INSR: variants seen among roughly 807,000 people sequenced by gnomAD.
INSR encodes the protein IR.
In INSR, 67 loss-of-function variants were observed where a neutral mutation model predicts 142.6. The observed-to-expected ratio is 0.47, with a 90% CI of 0.39 to 0.58. The LOEUF is 0.58. INSR is among the 20% of genes least tolerant of loss of function. The pLI, the probability that INSR is intolerant of heterozygous loss-of-function variation, is 0.00. For synonymous variants in INSR, 756 were observed against 743.1 expected (o/e 1.02, Z -0.28); for missense variants, 1,248 against 1,833.2 (o/e 0.68, Z 5.83).
chr19:7,234,128 A>T (rs1387783848), intron 2 of INSR, among the ~76,000 whole-genome samples: 1 of 151,606 alleles, frequency 6.6e-6, no homozygotes, highest in Non-Finnish European at 1.5e-5. Flanking sequence ...CTGGTCTCAA[A>T]CTCCTGACCT....
chr19:7,150,498 T>G lies in INSR; in HGVS notation c.2266A>C (p.Arg756=), dbSNP rs756730681. 6.2e-7 allele frequency: 1 copy of G among 1,614,140 alleles called. No homozygotes were observed. The highest frequency in any genetic ancestry group is 8.5e-7 in the Non-Finnish European group (1 of 1,179,978). ...AGGGGTCGCACAGGTGAGTCATACCTAGGGTCCTCGGCACCAGTGCCTGAA... is the reference window on the plus strand; with the variant it reads ...AGGGGTCGCACAGGTGAGTCATACCGAGGGTCCTCGGCACCAGTGCCTGAA... ...TSSGTGAEDP[R]PSRKRRSLGD... The change falls in exon 11 of 22, where the codon AGG becomes CGG. Residue 756 remains arginine, a splice_region_variant and synonymous_variant. Transcript: ENST00000302850. The surrounding 1 kb of genome is among the most constrained non-coding windows in gnomAD (Gnocchi z 4.2).
intron 1 of INSR, among the ~76,000 whole-genome samples, chr19:7,276,747 T>C (rs1232825910): frequency 1.3e-5 from 2 of 152,152 alleles, no homozygotes; most frequent in Non-Finnish European, 2.9e-5. Flanking sequence ...ATTTTTATTT[T>C]TGAGACGGAG....
intron 2 of INSR, among the ~76,000 whole-genome samples, chr19:7,251,713 T>A (rs1976735647): frequency 1.3e-5 from 2 of 152,076 alleles, no homozygotes; most frequent in South Asian, 4.1e-4. Flanking sequence ...ATGTGGTCCG[T>A]GGCATGGCTT....
At chr19:7,158,446 A>C (rs1568454636) in intron 9 of INSR, among the ~76,000 whole-genome samples, 1 of 152,176 alleles carries the variant, frequency 6.6e-6, no homozygotes, top group Non-Finnish European at 1.5e-5. Context: ...GCTTGCAGTG[A>C]GCCGAGATCA....
At position 7,168,983 on chromosome 19, in the gene INSR, C is replaced by A. The variant is rs991450042; in HGVS notation, c.1484-889G>T. Among the ~76,000 whole-genome samples the A allele has an allele frequency of 6.6e-6, 1 of 152,226 alleles. No homozygotes were observed. Among genetic ancestry groups the A allele is most frequent in the African/African-American group, 2.4e-5 (1 of 41,468 alleles). ...CCCTTGGCAGCTCACTGTTTAGAATCTGTCAGGGAAGTGCAGTCAGCAGGC... is the reference window on the plus strand; with the variant it reads ...CCCTTGGCAGCTCACTGTTTAGAATATGTCAGGGAAGTGCAGTCAGCAGGC... On this transcript the variant is annotated intron_variant, in intron 6 of 21. Transcript: ENST00000302850. The surrounding 1 kb of genome is among the most constrained non-coding windows in gnomAD (Gnocchi z 4.3).
At chr19:7,124,853 A>G (rs1972607156) in intron 17 of INSR, among the ~76,000 whole-genome samples, 1 of 151,114 alleles carries the variant, frequency 6.6e-6, no homozygotes, top group Non-Finnish European at 1.5e-5. Flanking sequence ...GAGAGTAGGA[A>G]CGAGGGCAGG....
At position 7,189,236 on chromosome 19, in the gene INSR, C is replaced by G. The variant is rs936521066; in HGVS notation, c.653-4599G>C. Among the ~76,000 whole-genome samples the G allele has an allele frequency of 2.0e-5, 3 of 152,290 alleles. No individual in the cohort carries two copies. In the East Asian group the frequency reaches 5.8e-4, roughly 29 times the overall value. On this transcript the variant is annotated intron_variant, in intron 2 of 21. Coordinates refer to ENST00000302850, the MANE Select transcript of INSR (RefSeq NM_000208.4). ...CTGGAGCCACTTCAGAGGGTCAGCCCTTTCATTCAAAAGAGGCGTCATCAA... is the reference window on the plus strand; with the variant it reads ...CTGGAGCCACTTCAGAGGGTCAGCCGTTTCATTCAAAAGAGGCGTCATCAA...
chr19:7,283,600 C>T (rs1012117142), intron 1 of INSR, among the ~76,000 whole-genome samples: 8 of 152,110 alleles, frequency 5.3e-5, no homozygotes, highest in African/African-American at 1.9e-4. Context: ...CCACCGTGCT[C>T]GGCTAATTTT....
chr19:7,243,505 C>T (rs758143382), intron 2 of INSR, among the ~76,000 whole-genome samples: 15 of 152,072 alleles, frequency 9.9e-5, no homozygotes, highest in Non-Finnish European at 2.1e-4. Context: ...CTCAGCCTCC[C>T]AAAGTGCTGG....
intron 2 of INSR, among the ~76,000 whole-genome samples, chr19:7,191,433 C>G (rs929546509): frequency 6.6e-6 from 1 of 151,998 alleles, no homozygotes; most frequent in Non-Finnish European, 1.5e-5. Flanking sequence ...AGTGGGAGTC[C>G]TCTAAACTGG....
rs796144540 is a variant in INSR at position 7,238,617 on chromosome 19, CAAAAAAAAAA to C, written c.652+28718_652+28727del. Among the ~76,000 whole-genome samples, 196 of 69,020 alleles carry C rather than the reference CAAAAAAAAAA, an allele frequency of 2.8e-3. 5 individuals carry two copies. The East Asian group carries it at 0.047, about 17-fold the overall frequency. The allele number at this position is 69,020 out of a possible 152,430, so 45.3% of individuals were successfully genotyped here. On this transcript the variant is annotated intron_variant, in intron 2 of 21. Transcript: ENST00000302850. ...GCCTGGGCAACAGAGTGCTCCATCT[CAAAAAAAAAA>C]AAAAAAAAAAAAGGAAAGGGAAAGT...
At chr19:7,174,877 C>T (rs1208738305) in intron 3 of INSR, 146 bp from the exon 4 acceptor site, 1 of 862,340 alleles carries the variant, frequency 1.2e-6, no homozygotes, top group East Asian at 2.7e-5. Flanking sequence ...GAGTCTCGCT[C>T]TGTTGCCCAG....
At chr19:7,134,576 C>G (rs922896184) in intron 13 of INSR, among the ~76,000 whole-genome samples, 2 of 151,908 alleles carry the variant, frequency 1.3e-5, no homozygotes, top group African/African-American at 4.8e-5. Context: ...ACCATCCTTG[C>G]CAACATGGTG....
rs1209016669 is a variant in INSR, at chr19:7,153,012, A to C, written c.2030-85T>G. On this transcript the variant is annotated intron_variant, in intron 9 of 21. Transcript: ENST00000302850. ...ACACACACACCCCACACACACACAC[A>C]CCACACACACACACCACACACACAC... is the stretch of plus-strand genomic sequence containing the variant. 515 of 539,400 alleles carry C rather than the reference A, an allele frequency of 9.5e-4. 12 individuals are homozygous for C. In the African/African-American group the frequency reaches 0.015, roughly 16 times the overall value. 33.4% of individuals were successfully genotyped at this position (539,400 alleles called of 1,614,324 possible).
At chr19:7,171,024 C>G (rs1974004938) in intron 5 of INSR, among the ~76,000 whole-genome samples, 1 of 151,980 alleles carries the variant, frequency 6.6e-6, no homozygotes, top group Non-Finnish European at 1.5e-5. Flanking sequence ...CCAATTTCTG[C>G]AAATAGGGGA....
chr19:7,169,576 CAAAAAA>C (rs74174872), intron 6 of INSR, among the ~76,000 whole-genome samples: 9 of 94,804 alleles, frequency 9.5e-5, no homozygotes, highest in Admixed American at 1.3e-4. Flanking sequence ...GACTCTGTCC[CAAAAAA>C]AAAAAAAAAA....
In INSR at chr19:7,119,741, C is replaced by G. The variant is rs568258415; in HGVS notation, c.3660-158G>C. 6.6e-6 allele frequency among the ~76,000 whole-genome samples: 1 copy of G among 150,720 alleles called. No homozygotes were observed. The highest frequency in any genetic ancestry group is 1.5e-5 in the Non-Finnish European group (1 of 67,722). Reference sequence around the variant, plus strand: ...ACATGCAAACACACACGCACATACACGTGCACACACATGCAAATACACACA... The same window carrying G: ...ACATGCAAACACACACGCACATACAGGTGCACACACATGCAAATACACACA... On this transcript the variant is annotated intron_variant, in intron 20 of 21. Coordinates refer to ENST00000302850, the MANE Select transcript of INSR (RefSeq NM_000208.4). The surrounding 1 kb of genome is among the most constrained non-coding windows in gnomAD (Gnocchi z 5.2).
intron 13 of INSR, chr19:7,141,443 G>T: frequency 1.8e-6 from 1 of 567,628 alleles, no homozygotes; most frequent in South Asian, 2.0e-5. Flanking sequence ...TCAACTTAGA[G>T]GACACAGCTG....
intron 9 of INSR, among the ~76,000 whole-genome samples, chr19:7,161,567 T>C (rs775873010): frequency 2.6e-5 from 4 of 152,038 alleles, no homozygotes; most frequent in African/African-American, 4.8e-5. Flanking sequence ...TAATTGAAAG[T>C]ATGGGGTGGG....
Sources: gnomAD v4.1 joint callset for allele counts (sites outside exome capture counted in the v4.1 genomes callset) on GRCh38, gnomAD v4.1.1 for gene constraint, Gnocchi (gnomAD v3.1) non-coding constraint, MANE v1.5 for transcripts, NCBI Gene and HGNC (gene_info 2026-07-23, HGNC 2026-07-21) for gene names.